USH2A: variants seen among roughly 807,000 people sequenced by gnomAD.
USH2A encodes the protein Usher syndrome 2A (autosomal recessive, mild).
In USH2A, 443 loss-of-function variants were observed where a neutral mutation model predicts 538.9. The ratio of observed to expected loss-of-function variants is 0.82; its 90% CI spans 0.76 to 0.89. The LOEUF is 0.89. Among genes scored for constraint, USH2A ranks in the 40% least tolerant of loss-of-function variants. USH2A has a pLI of 0.00. For synonymous variants in USH2A, 2,413 were observed against 2,273.5 expected, an observed-to-expected ratio of 1.06 and a Z score of -1.75; for missense variants, 6,633 against 6,324.8, an observed-to-expected ratio of 1.05 and a Z score of -1.65.
chr1:215,908,126 T>G (rs1049475177), intron 38 of USH2A, among the ~76,000 whole-genome samples: 1 of 122,922 alleles, frequency 8.1e-6, no homozygotes, highest in Non-Finnish European at 1.7e-5. Context: ...ATATAAAAAC[T>G]GAGTTTAGAA....
chr1:215,774,101 T>A (rs1026426406), intron 55 of USH2A, among the ~76,000 whole-genome samples: 2 of 152,166 alleles, frequency 1.3e-5, no homozygotes, highest in African/African-American at 4.8e-5. Flanking sequence ...ATTTTCTGTA[T>A]TCATGCTTTA....
chr1:216,327,715 A>G (rs1201415290), intron 4 of USH2A, 61 bp from the exon 5 acceptor site: 10 of 1,568,080 alleles, frequency 6.4e-6, no homozygotes, highest in South Asian at 2.2e-5. Flanking sequence ...ATACCTGACA[A>G]GTATTTAAGT....
intron 4 of USH2A, among the ~76,000 whole-genome samples, chr1:216,328,974 G>C (rs572095046): frequency 5.9e-4 from 90 of 152,006 alleles, no homozygotes; most frequent in Non-Finnish European, 7.9e-4. Context: ...ACACTTATAG[G>C]CTCTCTCTTT....
At chr1:215,728,423 C>T (rs780409965) in intron 60 of USH2A, 39 bp from the exon 61 acceptor site, 9 of 1,590,590 alleles carry the variant, frequency 5.7e-6, no homozygotes, top group Admixed American at 1.7e-5. Flanking sequence ...GACAGCTGCA[C>T]ACTTCAAAAC....
rs572626109 is a variant in USH2A, at chr1:216,386,081, T to A, written c.652-20996A>T. The stretch of plus-strand genomic sequence containing the variant: ...TTGGACCAAGAGCCTAGTTAACTGG[T>A]TTTGTCACTTCTAAAACCTCCACAC... On this transcript the variant is annotated intron_variant, in intron 3 of 71. Transcript: ENST00000307340. Among the ~76,000 whole-genome samples the A allele has an allele frequency of 4.6e-5, 7 of 152,312 alleles. No individual in the cohort carries two copies. In the East Asian group the frequency reaches 1.4e-3, roughly 29 times the overall value.
At chr1:216,097,322 G>C in intron 21 of USH2A, 109 bp from the exon 22 acceptor site, 1 of 1,578,584 alleles carries the variant, frequency 6.3e-7, no homozygotes, top group Non-Finnish European at 8.7e-7. Flanking sequence ...GTACAGTCAG[G>C]AAATTATACA....
rs141841212 is a variant in USH2A at position 216,271,378 on chromosome 1, G to C, written c.1971+17902C>G. ...CGGTTTTTCATGGCTTTACGAAGGAGAGTAGTGTGAGGAGGGGATTGTATG... is the reference window on the plus strand; with the variant it reads ...CGGTTTTTCATGGCTTTACGAAGGACAGTAGTGTGAGGAGGGGATTGTATG... On this transcript the variant is annotated intron_variant, in intron 11 of 71. Transcript: ENST00000307340. Among the ~76,000 whole-genome samples the C allele has an allele frequency of 1.1e-3, 174 of 152,234 alleles. 1 individual carries two copies. The highest frequency in any genetic ancestry group is 4.0e-3 in the African/African-American group (165 of 41,562).
At position 216,246,744 on chromosome 1, in the gene USH2A, G is replaced by GC. The variant is rs2036054600; in HGVS notation, c.2649dup (p.Pro884AlafsTer9). 1 of 1,614,096 alleles carries GC rather than the reference G, an allele frequency of 6.2e-7. No homozygotes were observed. The highest frequency in any genetic ancestry group is 8.5e-7 in the Non-Finnish European group (1 of 1,179,986). ...TCAATGGTCAAATTGTACCTGTGAG[G>GC]CTCACACTGATTACAGCGAAGACCT... On this transcript the variant is annotated frameshift_variant, in exon 13 of 72. Coordinates refer to ENST00000307340, the MANE Select transcript of USH2A (RefSeq NM_206933.4). LOFTEE classifies it high-confidence loss of function.
intron 49 of USH2A, among the ~76,000 whole-genome samples, chr1:215,805,646 G>A (rs759372802): frequency 5.9e-5 from 9 of 152,004 alleles, no homozygotes; most frequent in Non-Finnish European, 1.0e-4. Context: ...ATAAATCCAT[G>A]CCTGGCTTCA....
At chr1:216,037,791 A>G (rs1410566130) in intron 32 of USH2A, among the ~76,000 whole-genome samples, 2 of 146,652 alleles carry the variant, frequency 1.4e-5, no homozygotes, top group Non-Finnish European at 3.0e-5. Context: ...CCAGGTATTA[A>G]GTCTAGTACC....
rs745499163 is a variant in USH2A at position 216,325,467 on chromosome 1, T to A, written c.981A>T (p.Thr327=). Residue 327 remains threonine, a synonymous_variant, in exon 6 of 72, where the codon ACA becomes ACT. Transcript: ENST00000307340. ...TCAACCGTGACACTCTATTATCAGC[T>A]GTGTCTCCTGCATCATTAGGAATGC... ...RYCIPNDAGD[T]ADNRVSRLNP... is the part of the protein sequence containing the mutation. 1.2e-5 allele frequency: 19 copies of A among 1,613,788 alleles called. No homozygotes were observed. Among genetic ancestry groups the A allele is most frequent in the Middle Eastern group, 1.6e-4 (1 of 6,080 alleles).
intron 70 of USH2A, among the ~76,000 whole-genome samples, chr1:215,632,508 G>C (rs951422053): frequency 7.2e-5 from 11 of 152,196 alleles, no homozygotes; most frequent in African/African-American, 2.7e-4. Flanking sequence ...AGAGGTGCCT[G>C]CCTATAGGGA....
rs761918950 is a variant in USH2A, at chr1:216,190,178, T to G, written c.4396+45A>C. On this transcript the variant is annotated intron_variant, in intron 20 of 71. Coordinates refer to ENST00000307340, the MANE Select transcript of USH2A (RefSeq NM_206933.4). ...GGTGTTGAATATTATAAGTTTTTTTTCTTGATAGGCAACAGATTTTTCATA... is the reference window on the plus strand; with the variant it reads ...GGTGTTGAATATTATAAGTTTTTTTGCTTGATAGGCAACAGATTTTTCATA... 31 of 1,610,290 alleles carry G rather than the reference T, an allele frequency of 1.9e-5. 1 individual carries two copies. The highest frequency in any genetic ancestry group is 8.5e-7 in the Non-Finnish European group (1 of 1,177,904).
At chr1:216,175,069 CT>C (rs1021664801) in intron 21 of USH2A, 182 bp downstream of exon 21, 691 of 1,435,380 alleles carry the variant, frequency 4.8e-4, no homozygotes, top group Non-Finnish European at 5.8e-4. Flanking sequence ...ACTTACCTGA[CT>C]TTTTTCCCCA....
At position 215,640,844 on chromosome 1, in the gene USH2A, C is replaced by CAA. The variant is rs56212994; in HGVS notation, c.14792-112_14792-111dup. On this transcript the variant is annotated intron_variant, in intron 67 of 71. Coordinates refer to ENST00000307340, the MANE Select transcript of USH2A (RefSeq NM_206933.4). The stretch of plus-strand genomic sequence containing the variant: ...CAAAATCAAACCGAACCAATCCAAA[C>CAA]AAAAAAAAAAAAAAAAAAGAAAACC... 2,893 of 496,034 alleles carry CAA rather than the reference C, an allele frequency of 5.8e-3. 21 individuals carry two copies. Among genetic ancestry groups the CAA allele is most frequent in the African/African-American group, 0.032 (1,204 of 38,012 alleles). 30.7% of individuals were successfully genotyped at this position (496,034 alleles called of 1,614,324 possible).
Position 215,790,625 on chromosome 1 carries a change from G to T in USH2A, c.9959-343C>A, listed in dbSNP as rs77704873. Among the ~76,000 whole-genome samples, 10,781 of 151,852 alleles carry T rather than the reference G, an allele frequency of 0.071. 740 individuals carry two copies. Among genetic ancestry groups the T allele is most frequent in the East Asian group, 0.35 (1,807 of 5,162 alleles). ...AACATCTTGTTGCAGAAGAAGGTTA[G>T]TTAAACTATAGGGACTCTGAGAAAG... On this transcript the variant is annotated intron_variant, in intron 50 of 71. Coordinates refer to ENST00000307340, the MANE Select transcript of USH2A (RefSeq NM_206933.4).
chr1:216,323,984 C>T (rs1334846116), intron 7 of USH2A, among the ~76,000 whole-genome samples, 184 bp downstream of exon 7: 2 of 152,042 alleles, frequency 1.3e-5, no homozygotes, highest in East Asian at 3.9e-4. Context: ...AAGAGTCACT[C>T]TAATGTCTTT....
chr1:215,931,847 A>G (rs1466736151), intron 38 of USH2A, among the ~76,000 whole-genome samples: 1 of 151,930 alleles, frequency 6.6e-6, no homozygotes, highest in African/African-American at 2.4e-5. Flanking sequence ...ATTTCAGTAT[A>G]ATGTAACTGT....
At chr1:215,954,946 C>T (rs1332738336) in intron 37 of USH2A, among the ~76,000 whole-genome samples, 2 of 152,108 alleles carry the variant, frequency 1.3e-5, no homozygotes, top group Non-Finnish European at 2.9e-5. Flanking sequence ...TTTACAAATG[C>T]CATTCACTTT....
Sources: allele counts gnomAD v4.1 joint callset (sites outside exome capture counted in the v4.1 genomes callset), GRCh38; gene constraint gnomAD v4.1.1; transcripts MANE v1.5; gene names NCBI Gene and HGNC (gene_info 2026-07-23, HGNC 2026-07-21).